The following TTN variants were observed in gnomAD, a reference collection of about 807,000 sequenced individuals.
The protein encoded by TTN is titin, also known as connectin.
In TTN, 1,525 loss-of-function variants were observed where a neutral mutation model predicts 3,223.0. The observed-to-expected ratio is 0.47, with a 90% CI of 0.45 to 0.49. The LOEUF (loss-of-function observed/expected upper bound fraction) is 0.49. TTN is among the 20% of genes least tolerant of loss of function. The probability of loss-of-function intolerance (pLI) is 0.00; values close to 1 mark genes in which losing one functional copy is unlikely to be tolerated. For missense variants in TTN, 40,786 were observed against 43,424.0 expected (o/e 0.94, Z 5.40); for synonymous variants, 14,094 against 15,161.0 (o/e 0.93, Z 5.17).
intron 141 of TTN, 21 bp downstream of exon 141, chr2:178,679,578 C>A: frequency 6.2e-7 from 1 of 1,605,558 alleles, no homozygotes; most frequent in Non-Finnish European, 8.5e-7. Context: ...CTTAGATACC[C>A]GTCAATGAAT....
rs377752584 is a variant in TTN at position 178,572,177 on chromosome 2, A to G, written c.73955T>C (p.Ile24652Thr). 8 of 1,613,324 alleles carry G rather than the reference A, an allele frequency of 5.0e-6. No individual in the cohort carries two copies. The highest frequency in any genetic ancestry group is 2.2e-5 in the East Asian group (1 of 44,744). Residue 24652 changes from isoleucine (I) to threonine (T), a missense_variant, in exon 326 of 363, where the codon ATT becomes ACT. Coordinates refer to ENST00000589042, the MANE Select transcript of TTN (RefSeq NM_001267550.2). The part of the protein sequence containing the change: ...HDGGSRILGY[I>T]VEMQTKGSDK... ...ACTGCCTTTGGTCTGCATCTCCACA[A>G]TGTAGCCTAGAATTCGGCTGCCTCC...
In TTN at chr2:178,528,282, A is replaced by C. The variant is rs1188337689; in HGVS notation, c.107369T>G (p.Met35790Arg). The C allele has an allele frequency of 1.2e-6, 2 of 1,613,682 alleles. No homozygotes were observed. Among genetic ancestry groups the C allele is most frequent in the African/African-American group, 2.7e-5 (2 of 74,922 alleles). The part of the protein sequence containing the change: ...RGQCSATASL[M>R]VLPLVEEPSR... ...GGTGAGGAGATACTTACGAAGGACC[A>C]TTAAGGAAGCTGTAGCTGAACACTG... The change falls in exon 361 of 363, where the codon ATG becomes AGG. Residue 35790 changes from methionine to arginine, a missense_variant. Physicochemically the swap from Met to Arg is moderately conservative, Grantham distance 91. Transcript: ENST00000589042.
chr2:178,773,329 T>C lies in TTN; in HGVS notation c.7635A>G (p.Thr2545=). 2 of 1,614,022 alleles carry C rather than the reference T, an allele frequency of 1.2e-6. No individual in the cohort carries two copies. The highest frequency in any genetic ancestry group is 1.7e-6 in the Non-Finnish European group (2 of 1,179,988). The change falls in exon 33 of 363, where the codon ACA becomes ACG. Residue 2545 remains threonine, a synonymous_variant. Transcript: ENST00000589042. The part of the protein sequence containing the change: ...IIRGLRDLTC[T]ETQNVVFEVE... ...CCTCAAACACCACATTTTGAGTTTC[T>C]GTACAGGTAAGGTCACGAAGACCTC...
rs1342673355 is a variant in TTN at position 178,741,654 on chromosome 2, A to C, written c.11579T>G (p.Leu3860Ter). 6.2e-7 allele frequency: 1 copy of C among 1,613,854 alleles called. No individual in the cohort carries two copies. Among genetic ancestry groups the C allele is most frequent in the South Asian group, 1.1e-5 (1 of 91,088 alleles). The change falls in exon 48 of 363, where the codon TTA becomes TGA. Residue 3860 changes from leucine (L) to a stop codon, truncating the protein, a stop_gained. Transcript: ENST00000589042. LOFTEE classifies it high-confidence loss of function. ...KIQWFFNGVL[L>*]TPSADYKFVF... ...AAATTTGTAGTCAGCAGAAGGGGTTAATAGCACTCCATTAAAGAACCACTG... is the reference window on the plus strand; with the variant it reads ...AAATTTGTAGTCAGCAGAAGGGGTTCATAGCACTCCATTAAAGAACCACTG...
Position 178,718,217 on chromosome 2 carries a change from T to G in TTN, c.24789A>C (p.Pro8263=). The G allele has an allele frequency of 6.3e-7, 1 of 1,597,428 alleles. No homozygotes were observed. Among genetic ancestry groups the G allele is most frequent in the Non-Finnish European group, 8.5e-7 (1 of 1,174,756 alleles). Residue 8263 remains proline, a synonymous_variant, in exon 86 of 363, where the codon CCA becomes CCC. Coordinates refer to ENST00000589042, the MANE Select transcript of TTN (RefSeq NM_001267550.2). ...GTTCCAGAGGTTCAATAAAGTACGGTGGTTCTATGGTACAAAGGATGGTAG... is the reference window on the plus strand; with the variant it reads ...GTTCCAGAGGTTCAATAAAGTACGGGGGTTCTATGGTACAAAGGATGGTAG... ...ICEALVSVLE[P]PYFIEPLEHV...
chr2:178,714,391 G>C lies in TTN; in HGVS notation c.26383C>G (p.Gln8795Glu). The change falls in exon 91 of 363, where the codon CAG becomes GAG. Residue 8795 changes from glutamine to glutamate, a missense_variant. Transcript: ENST00000589042. ...ISYSENIATLQFSRVEPANAG... is the reference protein window; with the variant it reads ...ISYSENIATLEFSRVEPANAG... ...TTGGCTGGTTCCACTCTTGAAAACT[G>C]TAAGGTTGCAATGTTTTCTGAATAA... 1 of 1,613,784 alleles carries C rather than the reference G, an allele frequency of 6.2e-7. No individual in the cohort carries two copies.
Position 178,715,591 on chromosome 2 carries a change from T to C in TTN, c.25823A>G (p.Glu8608Gly). ...MSFVDSVAVL[E>G]MHNLSVEDSG... ...GTCTTCAACACTGAGATTGTGCATT[T>C]CCAGCACAGCCACCGAGTCAACGAA... is the stretch of plus-strand genomic sequence containing the variant. Residue 8608 changes from glutamate to glycine, a missense_variant, in exon 89 of 363, where the codon GAA (glutamate) becomes GGA (glycine). Physicochemically the swap from Glu to Gly is moderately conservative, Grantham distance 98 (BLOSUM62 -2). Transcript: ENST00000589042. 6.2e-7 allele frequency: 1 copy of C among 1,613,672 alleles called. No individual in the cohort carries two copies. Among genetic ancestry groups the C allele is most frequent in the Non-Finnish European group, 8.5e-7 (1 of 1,179,682 alleles).
Position 178,561,619 on chromosome 2 carries a change from C to T in TTN, c.84513G>A (p.Met28171Ile). The change falls in exon 326 of 363, where the codon ATG (methionine) becomes ATA (isoleucine). Residue 28171 changes from methionine (M) to isoleucine (I), a missense_variant. Met to Ile is a conservative substitution (Grantham distance 10, BLOSUM62 1). Coordinates refer to ENST00000589042, the MANE Select transcript of TTN (RefSeq NM_001267550.2). The part of the protein sequence containing the change: ...PKVVHATKST[M>I]LVTWQVPVND... ...TAACTGGCACTTGCCAGGTTACAAG[C>T]ATGGTAGATTTTGTGGCATGCACAA... 1.9e-6 allele frequency: 3 copies of T among 1,612,636 alleles called. No homozygotes were observed. The highest frequency in any genetic ancestry group is 2.5e-6 in the Non-Finnish European group (3 of 1,179,232).
Position 178,705,321 on chromosome 2 carries a change from C to T in TTN, c.29457G>A (p.Glu9819=), listed in dbSNP as rs780561066. The change falls in exon 103 of 363, where the codon GAG becomes GAA. Residue 9819 remains glutamate (E), a synonymous_variant. Transcript: ENST00000589042. ...PILKKGAGEE[E]EIDIMELLKN... ...TGAGAAGTTCCATGATATCAATTTC[C>T]TCTTCTTCTCCAGCTCCTTTCTTTA... 1.2e-6 allele frequency: 2 copies of T among 1,607,526 alleles called. No individual in the cohort carries two copies. The highest frequency in any genetic ancestry group is 1.7e-6 in the Non-Finnish European group (2 of 1,176,852).
rs537603113 is a variant in TTN, at chr2:178,570,609, C to T, written c.75523G>A (p.Val25175Ile). Residue 25175 changes from valine (V) to isoleucine (I), a missense_variant, in exon 326 of 363, where the codon GTA (valine) becomes ATA (isoleucine). Val to Ile is a conservative substitution (Grantham distance 29). Transcript: ENST00000589042. ...FATSLSVKDA[V>I]RVDSGNYILK... ...ATGTAATTTCCACTGTCGACACGTA[C>T]TGCATCTTTTACACTGAGACTGGTG... 8.1e-6 allele frequency: 13 copies of T among 1,613,444 alleles called. No homozygotes were observed. The South Asian group carries it at 1.3e-4, about 16-fold the overall frequency.
chr2:178,747,615 G>C, intron 47 of TTN: 3 of 1,613,284 alleles, frequency 1.9e-6, no homozygotes, highest in Non-Finnish European at 2.5e-6. Flanking sequence ...CTCTGGACAA[G>C]CTTTGCCTGG....
chr2:178,771,448 T>C lies in TTN; in HGVS notation c.7879A>G (p.Thr2627Ala), dbSNP rs1451021817. Residue 2627 changes from threonine to alanine, a missense_variant, in exon 34 of 363, where the codon ACA (threonine) becomes GCA (alanine). Physicochemically the swap from Thr to Ala is moderately conservative, Grantham distance 58 (BLOSUM62 0). Coordinates refer to ENST00000589042, the MANE Select transcript of TTN (RefSeq NM_001267550.2). ...TGGGATTCAGCTACGGTCTGATCTG[T>C]GAGTGGCTTGGAGATGGCCCCACCT... ...VAGGAISKPL[T>A]DQTVAESQEA... 1 of 1,613,942 alleles carries C rather than the reference T, an allele frequency of 6.2e-7. No individual in the cohort carries two copies. The highest frequency in any genetic ancestry group is 1.1e-5 in the South Asian group (1 of 91,082).
chr2:178,750,816 C>T (rs2085276754), intron 47 of TTN: 1 of 1,613,158 alleles, frequency 6.2e-7, no homozygotes, highest in East Asian at 2.2e-5. Flanking sequence ...TATACTTCCT[C>T]CTTCTCACAT....
At chr2:178,600,631 C>A in intron 288 of TTN, 1 of 565,004 alleles carries the variant, frequency 1.8e-6, no homozygotes. Flanking sequence ...GAGGAAATTA[C>A]AGACATCATC....
intron 159 of TTN, among the ~76,000 whole-genome samples, chr2:178,668,176 C>A (rs1421823388): frequency 6.6e-6 from 1 of 151,946 alleles, no homozygotes; most frequent in Non-Finnish European, 1.5e-5. Context: ...TATGGTTTCA[C>A]AGTTTAATAT....
At position 178,635,507 on chromosome 2, in the gene TTN, T is replaced by C. The variant is rs532478704; in HGVS notation, c.41817A>G (p.Pro13939=). The C allele has an allele frequency of 6.5e-5, 104 of 1,602,804 alleles. 2 individuals carry two copies. In the South Asian group the frequency reaches 1.1e-3, roughly 17 times the overall value. ...HLYLKIKNAM[P]EDIAEYAVEI... ...CCACTGCATACTCAGCAATATCTTC[T>C]GGCATAGCATTCTTAATTTTGAGGT... Residue 13939 remains proline (P), a synonymous_variant, in exon 227 of 363, where the codon CCA becomes CCG. Coordinates refer to ENST00000589042, the MANE Select transcript of TTN (RefSeq NM_001267550.2).
In TTN at chr2:178,598,674, G is replaced by T. The variant is rs562434439; in HGVS notation, c.56963-20C>A. On this transcript the variant is annotated intron_variant, in intron 291 of 362. Coordinates refer to ENST00000589042, the MANE Select transcript of TTN (RefSeq NM_001267550.2). ...GAGGGGCTGCAAAGAGCCAGTATAC[G>T]TTAGTATTCTTGACTTTTCCAAGGC... 2.5e-6 allele frequency: 4 copies of T among 1,603,220 alleles called. No individual in the cohort carries two copies. Among genetic ancestry groups the T allele is most frequent in the Non-Finnish European group, 3.4e-6 (4 of 1,177,110 alleles).
chr2:178,601,229 T>G, intron 287 of TTN, 36 bp downstream of exon 287: 1 of 1,518,986 alleles, frequency 6.6e-7, no homozygotes. Context: ...ACTTCAATTT[T>G]GAGAAGATAT....
chr2:178,758,976 T>C lies in TTN; in HGVS notation c.10303+8A>G. On this transcript the variant is annotated splice_region_variant and intron_variant, in intron 44 of 362. Coordinates refer to ENST00000589042, the MANE Select transcript of TTN (RefSeq NM_001267550.2). Reference sequence around the variant, plus strand: ...TTAAATGGGGTTCTGAAAGTTGTTTTACTTTACCTTCCAGACTCAGGTTGG... The same window carrying C: ...TTAAATGGGGTTCTGAAAGTTGTTTCACTTTACCTTCCAGACTCAGGTTGG... The C allele has an allele frequency of 6.2e-7, 1 of 1,613,912 alleles. No individual in the cohort carries two copies. The highest frequency in any genetic ancestry group is 8.5e-7 in the Non-Finnish European group (1 of 1,179,838).
Sources: gnomAD v4.1 joint callset for allele counts (sites outside exome capture counted in the v4.1 genomes callset) on GRCh38, gnomAD v4.1.1 for gene constraint, MANE v1.5 for transcripts, NCBI Gene and HGNC (gene_info 2026-07-23, HGNC 2026-07-21) for gene names.